Variants in SGMS1 observed in about 807,000 individuals in gnomAD.
SGMS1 encodes sphingomyelin synthase 1, also known as phosphatidylcholine:ceramide cholinephosphotransferase 1.
A neutral mutation model predicts 46.2 loss-of-function variants in SGMS1; 13 were observed. The observed-to-expected ratio is 0.28, with a 90% confidence interval of 0.18 to 0.45. The LOEUF (loss-of-function observed/expected upper bound fraction) is 0.45, where lower values mean the gene tolerates loss of function less well. Among genes scored for constraint, SGMS1 ranks in the 20% least tolerant of loss-of-function variants. The pLI is 1.00. For synonymous variants in SGMS1, 203 were observed against 187.8 expected (o/e 1.08, Z -0.66); for missense variants, 324 against 519.9 (o/e 0.62, Z 3.66).
At chr10:50,474,280 A>C (rs1302479835) in intron 3 of SGMS1, 1 of 152,266 alleles carries the variant, frequency 6.6e-6, no homozygotes, top group East Asian at 1.9e-4. Context: ...GAAACAGCTT[A>C]CATCACTTAG....
At chr10:50,309,333 T>C (rs1035328886) in intron 9 of SGMS1, among the ~76,000 whole-genome samples, 1 of 152,198 alleles carries the variant, frequency 6.6e-6, no homozygotes, top group Non-Finnish European at 1.5e-5. Context: ...TTAATGTTCA[T>C]AAACTTTTTC....
chr10:50,317,414 A>T (rs546262699), intron 8 of SGMS1, among the ~76,000 whole-genome samples: 18 of 152,170 alleles, frequency 1.2e-4, no homozygotes, highest in Non-Finnish European at 1.8e-4. Flanking sequence ...TCAGTTGGTG[A>T]GCGTAGTTGT....
chr10:50,610,340 T>G (rs1838737968), intron 1 of SGMS1, among the ~76,000 whole-genome samples: 1 of 152,234 alleles, frequency 6.6e-6, no homozygotes, highest in East Asian at 1.9e-4. Context: ...AAAATGGGCC[T>G]TTTAAATACC....
intron 6 of SGMS1, among the ~76,000 whole-genome samples, chr10:50,393,183 T>A (rs1216643578): frequency 6.6e-6 from 1 of 152,146 alleles, no homozygotes; most frequent in Non-Finnish European, 1.5e-5. Context: ...TACCCATGCA[T>A]ACAGCATTCC....
intron 2 of SGMS1, among the ~76,000 whole-genome samples, chr10:50,552,231 G>A (rs1462128494): frequency 1.3e-5 from 2 of 152,098 alleles, no homozygotes; most frequent in African/African-American, 4.8e-5. Context: ...GTTTTATTCT[G>A]TCCAATCAAT....
intron 2 of SGMS1, among the ~76,000 whole-genome samples, chr10:50,561,476 A>T (rs555677919): frequency 8.5e-5 from 13 of 152,334 alleles, no homozygotes; most frequent in African/African-American, 2.9e-4. Flanking sequence ...CAAACCTTCT[A>T]TGATTCTGAA....
At chr10:50,365,654 A>C (rs1589408535) in intron 6 of SGMS1, among the ~76,000 whole-genome samples, 6 of 151,084 alleles carry the variant, frequency 4.0e-5, no homozygotes, top group Admixed American at 3.3e-4. Context: ...TCCTTGTTCG[A>C]CTCCCACTTA....
chr10:50,567,693 C>A (rs561759247), intron 2 of SGMS1, among the ~76,000 whole-genome samples: 9 of 152,262 alleles, frequency 5.9e-5, no homozygotes, highest in African/African-American at 1.9e-4. Context: ...TCCTGAGAGG[C>A]CTTAGAGTTT....
intron 5 of SGMS1, among the ~76,000 whole-genome samples, chr10:50,455,241 A>G (rs1837176931): frequency 6.6e-6 from 1 of 152,214 alleles, no homozygotes; most frequent in African/African-American, 2.4e-5. Flanking sequence ...AGTTGTAGCC[A>G]TATACACAGT....
chr10:50,328,911 A>C (rs1392255156), intron 7 of SGMS1, among the ~76,000 whole-genome samples: 1 of 152,242 alleles, frequency 6.6e-6, no homozygotes, highest in Non-Finnish European at 1.5e-5. Context: ...AGTAAATTCT[A>C]CATTGTAAGA....
intron 2 of SGMS1, among the ~76,000 whole-genome samples, chr10:50,549,533 C>T (rs1231051329): frequency 6.6e-6 from 1 of 151,984 alleles, no homozygotes; most frequent in Non-Finnish European, 1.5e-5. Flanking sequence ...CATATTGGGG[C>T]CTGCCAGAGA....
chr10:50,326,632 A>G (rs1847536527), intron 8 of SGMS1, among the ~76,000 whole-genome samples: 1 of 152,234 alleles, frequency 6.6e-6, no homozygotes, highest in Non-Finnish European at 1.5e-5. Flanking sequence ...AAAGGTTAGG[A>G]GGTGAAGAGT....
Position 50,307,516 on chromosome 10 carries a change from A to ATT in SGMS1, c.1063-196_1063-195insAA, listed in dbSNP as rs779054956. ...TGAGCCACATCCCAGTAGAAAAACA[A>ATT]CGCCAATTCTGGGAGGGCAAGGAGA... is the stretch of plus-strand genomic sequence containing the variant. On this transcript the variant is annotated intron_variant, in intron 10 of 10. Coordinates refer to ENST00000361781, the MANE Select transcript of SGMS1 (RefSeq NM_147156.4). This position sits in a 1 kb window ranked among gnomAD's most constrained non-coding sequence, Gnocchi z 4.2. Among the ~76,000 whole-genome samples, 4 of 152,162 alleles carry ATT rather than the reference A, an allele frequency of 2.6e-5. No individual in the cohort carries two copies. The highest frequency in any genetic ancestry group is 2.9e-5 in the Non-Finnish European group (2 of 68,038).
At chr10:50,477,430 A>G (rs893729856) in intron 3 of SGMS1, among the ~76,000 whole-genome samples, 1 of 152,180 alleles carries the variant, frequency 6.6e-6, no homozygotes, top group Non-Finnish European at 1.5e-5. Flanking sequence ...CTCATAGGTG[A>G]AAGGGACTTG....
At chr10:50,459,057 C>T (rs1837231698) in intron 5 of SGMS1, among the ~76,000 whole-genome samples, 1 of 152,128 alleles carries the variant, frequency 6.6e-6, no homozygotes, top group South Asian at 2.1e-4. Context: ...AAGAATATTT[C>T]TGGCAAAATC....
chr10:50,528,268 A>G (rs1370022382), intron 2 of SGMS1, among the ~76,000 whole-genome samples: 2 of 152,206 alleles, frequency 1.3e-5, no homozygotes, highest in Non-Finnish European at 1.5e-5. Flanking sequence ...CTTTCATCTT[A>G]TGAGGTAAGA....
At chr10:50,429,696 C>G (rs929905039) in intron 6 of SGMS1, among the ~76,000 whole-genome samples, 5 of 2,082 alleles carry the variant, frequency 2.4e-3, no homozygotes, top group African/African-American at 8.0e-3. Flanking sequence ...TCTACACATA[C>G]ACACACACAC....
intron 3 of SGMS1, among the ~76,000 whole-genome samples, chr10:50,503,234 C>A (rs1837676571): frequency 6.6e-6 from 1 of 152,152 alleles, no homozygotes; most frequent in East Asian, 1.9e-4. Context: ...GGAAAATGAA[C>A]TTGCAGGCTT....
intron 7 of SGMS1, among the ~76,000 whole-genome samples, chr10:50,331,368 TTGTG>T (rs1467862175): frequency 1.3e-5 from 2 of 152,196 alleles, no homozygotes; most frequent in Non-Finnish European, 2.9e-5. Context: ...CTGCATCACA[TTGTG>T]TAAGAAATCT....
Sources: gnomAD v4.1 joint callset for allele counts (sites outside exome capture counted in the v4.1 genomes callset) on GRCh38, gnomAD v4.1.1 for gene constraint, Gnocchi (gnomAD v3.1) non-coding constraint, MANE v1.5 for transcripts, NCBI Gene and HGNC (gene_info 2026-07-23, HGNC 2026-07-21) for gene names.